The following ASB11 variants were observed in gnomAD, a reference collection of about 807,000 sequenced individuals.
ASB11 encodes the protein ankyrin repeat and SOCS box protein 11.
A neutral mutation model predicts 20.1 loss-of-function variants in ASB11; 17 were observed. The observed-to-expected ratio is 0.85, with a 90% CI of 0.58 to 1.27. The LOEUF is 1.27. ASB11 is among the 50% of genes most tolerant of loss of function. The probability of loss-of-function intolerance (pLI) is 0.00; values close to 1 mark genes in which losing one functional copy is unlikely to be tolerated. For synonymous variants in ASB11, 107 were observed against 105.6 expected, an observed-to-expected ratio of 1.01 and a Z score of -0.08; for missense variants, 259 against 256.9, an observed-to-expected ratio of 1.01 and a Z score of -0.06.
At chrX:15,301,986 C>T (rs1921082525) in intron 2 of ASB11, among the ~76,000 whole-genome samples, 1 of 111,599 alleles carries the variant, frequency 9.0e-6, no homozygotes, top group South Asian at 3.8e-4. Context: ...GACTTGTTGA[C>T]TCACACCTAA....
chrX:15,305,634 T>TAGAC (rs1921218873), intron 1 of ASB11, among the ~76,000 whole-genome samples: 1 of 110,968 alleles, frequency 9.0e-6, no homozygotes, highest in Non-Finnish European at 1.9e-5. Context: ...GATAGATAGA[T>TAGAC]AGATAGAATC....
At chrX:15,297,013 G>T (rs1394741039) in intron 3 of ASB11, among the ~76,000 whole-genome samples, 2 of 112,605 alleles carry the variant, frequency 1.8e-5, no homozygotes, top group East Asian at 2.8e-4. Flanking sequence ...ATGGTACAAG[G>T]CCGGGCGCGG....
At chrX:15,284,194 G>C (rs1387612504) in intron 6 of ASB11, among the ~76,000 whole-genome samples, 1 of 104,039 alleles carries the variant, frequency 9.6e-6, no homozygotes, top group Non-Finnish European at 2.0e-5. Context: ...GGAGCTTGCA[G>C]TGAGCCGAGA....
intron 3 of ASB11, 121 bp downstream of exon 3, chrX:15,297,453 A>G (rs1920977692): frequency 2.0e-6 from 1 of 504,481 alleles, no homozygotes. Flanking sequence ...GAATACGGAC[A>G]TGGATAGAAC....
intron 3 of ASB11, among the ~76,000 whole-genome samples, chrX:15,295,356 T>G (rs1406163464): frequency 8.9e-6 from 1 of 112,492 alleles, no homozygotes; most frequent in Non-Finnish European, 1.9e-5. Context: ...GAAATCATTT[T>G]GAAAATATAA....
Position 15,288,032 on chromosome X carries a change from G to C in ASB11, c.696C>G (p.Leu232=). The C allele has an allele frequency of 3.3e-6, 4 of 1,211,399 alleles. No homozygotes were observed. Among genetic ancestry groups the C allele is most frequent in the Non-Finnish European group, 4.5e-6 (4 of 895,285 alleles). ...CATTGGACTGCCTCGCTGCAGCATGGAGTGGGGTGTCCAGCCACTGGCCAT... is the reference window on the plus strand; with the variant it reads ...CATTGGACTGCCTCGCTGCAGCATGCAGTGGGGTGTCCAGCCACTGGCCAT... ...VDHGQWLDTP[L]HAAARQSNVE... The change falls in exon 6 of 7, where the codon CTC becomes CTG. Residue 232 remains leucine, a synonymous_variant. Transcript: ENST00000480796.
chrX:15,301,550 AAG>A (rs1408405074), intron 2 of ASB11, among the ~76,000 whole-genome samples: 1 of 110,642 alleles, frequency 9.0e-6, no homozygotes, highest in Non-Finnish European at 1.9e-5. Flanking sequence ...GAGAAAGAAA[AAG>A]AGAGAGAGAG....
rs1254286629 is a variant in ASB11 at position 15,289,500 on chromosome X, T to C, written c.655+4A>G. The C allele has an allele frequency of 8.4e-7, 1 of 1,183,850 alleles. No individual in the cohort carries two copies. Among genetic ancestry groups the C allele is most frequent in the Non-Finnish European group, 1.1e-6 (1 of 882,300 alleles). On this transcript the variant is annotated splice_donor_region_variant and intron_variant, in intron 5 of 6. Transcript: ENST00000480796. ...TTCTTCATGAAAATAATTTTGGAAA[T>C]TACCTAATTCTAGAAGTTTCTTCAC... is the stretch of plus-strand genomic sequence containing the variant.
chrX:15,314,563 G>A, intron 1 of ASB11: 1 of 1,055,864 alleles, frequency 9.5e-7, no homozygotes. Context: ...GTTGTCTAGT[G>A]TATTGGAATC....
intron 3 of ASB11, among the ~76,000 whole-genome samples, chrX:15,297,078 G>A (rs1351138759): frequency 8.9e-6 from 1 of 112,319 alleles, no homozygotes; most frequent in Non-Finnish European, 1.9e-5. Context: ...TGGATCACAA[G>A]GTCAGGAGAT....
intron 3 of ASB11, among the ~76,000 whole-genome samples, chrX:15,295,111 C>T (rs1419457197): frequency 9.1e-5 from 10 of 109,736 alleles, no homozygotes; most frequent in African/African-American, 3.3e-4. Context: ...GGTGTGATCT[C>T]GGCTCACTGC....
chrX:15,301,701 CT>C (rs1212164334), intron 2 of ASB11, among the ~76,000 whole-genome samples: 3 of 112,203 alleles, frequency 2.7e-5, no homozygotes, highest in African/African-American at 9.7e-5. Context: ...AGCCTGCACA[CT>C]TTCATTCATT....
chrX:15,302,928 T>C, intron 1 of ASB11, 121 bp from the exon 2 acceptor site: 2 of 583,763 alleles, frequency 3.4e-6, no homozygotes, highest in South Asian at 5.7e-5. Context: ...GGGAAGCAGG[T>C]ATCACGCATC....
At chrX:15,294,213 AC>A (rs956986964) in intron 3 of ASB11, among the ~76,000 whole-genome samples, 15 of 111,568 alleles carry the variant, frequency 1.3e-4, no homozygotes, top group Non-Finnish European at 2.5e-4. Flanking sequence ...AACATCGGGA[AC>A]CGCAGGAGTG....
In ASB11 at chrX:15,289,238, G is replaced by A. The variant is rs151266813; in HGVS notation, c.655+266C>T. ...GCCAATGCTCTTTCTTGCTGCGTATGGATAAGGAGGGCTGTAAGCCCAGGT... is the reference window on the plus strand; with the variant it reads ...GCCAATGCTCTTTCTTGCTGCGTATAGATAAGGAGGGCTGTAAGCCCAGGT... On this transcript the variant is annotated intron_variant, in intron 5 of 6. Coordinates refer to ENST00000480796, the MANE Select transcript of ASB11 (RefSeq NM_080873.3). 1.1e-4 allele frequency among the ~76,000 whole-genome samples: 12 copies of A among 112,659 alleles called. No homozygotes were observed. In the East Asian group the frequency reaches 3.4e-3, roughly 32 times the overall value.
intron 6 of ASB11, among the ~76,000 whole-genome samples, chrX:15,284,762 A>T (rs1027132127): frequency 8.9e-6 from 1 of 112,053 alleles, no homozygotes; most frequent in Non-Finnish European, 1.9e-5. Flanking sequence ...CTAGTTGCAC[A>T]GTCATTATTT....
rs775675180 is a variant in ASB11, at chrX:15,283,473, C to A, written c.*32G>T. The A allele has an allele frequency of 1.7e-6, 2 of 1,205,496 alleles. No individual in the cohort carries two copies. The highest frequency in any genetic ancestry group is 3.5e-5 in the South Asian group (2 of 56,593). The stretch of plus-strand genomic sequence containing the variant: ...AGGTACAGCAGACAACAATCTGTGT[C>A]ATTCCAAGTATCTTCCCAGGAACAC... On this transcript the variant is annotated 3_prime_UTR_variant, in exon 7 of 7. Coordinates refer to ENST00000480796, the MANE Select transcript of ASB11 (RefSeq NM_080873.3).
chrX:15,308,125 G>A (rs1344567312), intron 1 of ASB11, among the ~76,000 whole-genome samples: 1 of 112,275 alleles, frequency 8.9e-6, no homozygotes, highest in Non-Finnish European at 1.9e-5. Context: ...AAATGGGATG[G>A]GAAGTGTTAA....
At chrX:15,302,421 A>T (rs934685147) in intron 2 of ASB11, among the ~76,000 whole-genome samples, 3 of 112,342 alleles carry the variant, frequency 2.7e-5, no homozygotes, top group African/African-American at 9.7e-5. Flanking sequence ...ATGCTGGAAG[A>T]GCATGAGGTG....
Sources: allele counts gnomAD v4.1 joint callset (sites outside exome capture counted in the v4.1 genomes callset), GRCh38; gene constraint gnomAD v4.1.1; transcripts MANE v1.5; gene names NCBI Gene and HGNC (gene_info 2026-07-23, HGNC 2026-07-21).